Variants in NOTCH1 observed in about 807,000 individuals in gnomAD.
The protein encoded by NOTCH1 is notch receptor 1, also known as neurogenic locus notch homolog protein 1.
Under a neutral mutation model 254.8 loss-of-function variants are expected in NOTCH1, and 37 were observed. The observed-to-expected ratio is 0.15, with a 90% CI of 0.11 to 0.19. NOTCH1 has a LOEUF of 0.19. Ranked by LOEUF, NOTCH1 falls within the 10% of genes least tolerant of loss-of-function variation. The probability of loss-of-function intolerance (pLI) is 1.00; values close to 1 mark genes in which losing one functional copy is unlikely to be tolerated. For synonymous variants in NOTCH1, 1,731 were observed against 1,618.1 expected (o/e 1.07, Z -1.68); for missense variants, 2,972 against 3,708.6 (o/e 0.80, Z 5.16).
chr9:136,542,847 C>G (rs973905603), intron 2 of NOTCH1: 1 of 152,240 alleles, frequency 6.6e-6, no homozygotes, highest in East Asian at 1.9e-4. Flanking sequence ...TTCCAGACAC[C>G]AAACACCTCC....
At chr9:136,498,798 G>C in intron 33 of NOTCH1, 101 bp downstream of exon 33, 1 of 1,394,222 alleles carries the variant, frequency 7.2e-7, no homozygotes, top group African/African-American at 1.4e-5. Context: ...TCGAGACCCT[G>C]TGGGTCAGGC....
At position 136,513,255 on chromosome 9, in the gene NOTCH1, A is replaced by G; in HGVS notation, c.2354-121T>C. On this transcript the variant is annotated intron_variant, in intron 14 of 33. Transcript: ENST00000651671. This position sits in a 1 kb window ranked among gnomAD's most constrained non-coding sequence, Gnocchi z 4.7. ...GCCCCTCCTCATCTCCAAGAGCCAG[A>G]GGCCTGGAGCTAAGGCTTTGCCACG... 1 of 1,474,994 alleles carries G rather than the reference A, an allele frequency of 6.8e-7. No homozygotes were observed. The highest frequency in any genetic ancestry group is 1.4e-5 in the African/African-American group (1 of 72,024). The allele number at this position is 1,474,994 out of a possible 1,614,324, so 91.4% of individuals were successfully genotyped here. A position where few individuals can be genotyped will look rare whatever the true frequency, so the allele number is the denominator to read the frequency against.
chr9:136,514,631 C>T lies in NOTCH1; in HGVS notation c.2086G>A (p.Gly696Ser), dbSNP rs373556820. The part of the protein sequence containing the change: ...PCHNGGTCED[G>S]INGFTCRCPE... ...CAGCGGCAGGTGAAGCCATTGATGC[C>T]GTCCTCGCAGGTGCCCCCGTTGTGG... Residue 696 changes from glycine (G) to serine (S), a missense_variant, in exon 13 of 34, where the codon GGC (glycine) becomes AGC (serine). Physicochemically the swap from Gly to Ser is moderately conservative, Grantham distance 56. Around this residue, in one of 8 missense-constraint regions of NOTCH1, gnomAD observed 1,343 missense variants for 1,557.0 expected, o/e 0.86. Transcript: ENST00000651671. 2.8e-5 allele frequency: 45 copies of T among 1,611,732 alleles called. No individual in the cohort carries two copies. Among genetic ancestry groups the T allele is most frequent in the East Asian group, 1.8e-4 (8 of 44,826 alleles).
rs1428620733 is a variant in NOTCH1 at position 136,515,732 on chromosome 9, G to A, written c.1670-16C>T. The A allele has an allele frequency of 2.0e-6, 3 of 1,530,704 alleles. No individual in the cohort carries two copies. The highest frequency in any genetic ancestry group is 2.6e-6 in the Non-Finnish European group (3 of 1,143,702). 94.8% of individuals were successfully genotyped at this position (1,530,704 alleles called of 1,614,324 possible). A position where few individuals can be genotyped will look rare whatever the true frequency, so the allele number is the denominator to read the frequency against. On this transcript the variant is annotated splice_polypyrimidine_tract_variant and intron_variant, in intron 10 of 33. Coordinates refer to ENST00000651671, the MANE Select transcript of NOTCH1 (RefSeq NM_017617.5). ...CCCGTGTACCCTGGACCGTGGGAGG[G>A]GCGGGCACAGGAAGACTTAGGACTG...
intron 2 of NOTCH1, among the ~76,000 whole-genome samples, chr9:136,530,344 C>A (rs980824313): frequency 6.6e-6 from 1 of 152,220 alleles, no homozygotes; most frequent in East Asian, 1.9e-4. Context: ...CCGGGGAAAC[C>A]CTTTGTGTGG....
chr9:136,515,770 A>C (rs1046490119), intron 10 of NOTCH1, 54 bp from the exon 11 acceptor site: 155 of 1,482,390 alleles, frequency 1.0e-4, no homozygotes, highest in Middle Eastern at 2.3e-4. Flanking sequence ...GGCCCCCGGG[A>C]CACCCATGAC....
chr9:136,519,151 G>A (rs889043343), intron 5 of NOTCH1, among the ~76,000 whole-genome samples: 2 of 152,240 alleles, frequency 1.3e-5, no homozygotes, highest in Non-Finnish European at 2.9e-5. Flanking sequence ...GGGTGCTGAA[G>A]GCCCTCAATG....
chr9:136,502,140 C>T (rs758970366), intron 28 of NOTCH1, 52 bp from the exon 29 acceptor site: 3 of 1,607,382 alleles, frequency 1.9e-6, no homozygotes, highest in East Asian at 4.5e-5. Context: ...CTAGGAAGCC[C>T]CCAGAGACCC....
At position 136,510,809 on chromosome 9, in the gene NOTCH1, CG is replaced by C; in HGVS notation, c.2588-5del. On this transcript the variant is annotated splice_polypyrimidine_tract_variant and splice_region_variant and intron_variant, in intron 16 of 33. Coordinates refer to ENST00000651671, the MANE Select transcript of NOTCH1 (RefSeq NM_017617.5). ...ATGTCGACCTCACAGGTCTGCCCTG[CG>C]GGGCAGGAGGAGGCCGGTTGGTCAC... The C allele has an allele frequency of 6.2e-7, 1 of 1,607,806 alleles. No homozygotes were observed.
chr9:136,505,593 C>T lies in NOTCH1; in HGVS notation c.4303G>A (p.Gly1435Arg). The T allele has an allele frequency of 6.2e-7, 1 of 1,610,868 alleles. No individual in the cohort carries two copies. Among genetic ancestry groups the T allele is most frequent in the Non-Finnish European group, 8.5e-7 (1 of 1,178,992 alleles). ...GGCGGGGGGATGTCGCGCCCGGCCCCACCCCCGAAGCTGTAGTCCAGGATG... is the reference window on the plus strand; with the variant it reads ...GGCGGGGGGATGTCGCGCCCGGCCCTACCCCCGAAGCTGTAGTCCAGGATG... Reference protein sequence around the residue: ...CHILDYSFGGGAGRDIPPPLI... With the variant: ...CHILDYSFGGRAGRDIPPPLI... Residue 1435 changes from glycine to arginine, a missense_variant, in exon 25 of 34, where the codon GGG (glycine) becomes AGG (arginine). Physicochemically the swap from Gly to Arg is moderately radical, Grantham distance 125. Coordinates refer to ENST00000651671, the MANE Select transcript of NOTCH1 (RefSeq NM_017617.5).
intron 25 of NOTCH1, 52 bp from the exon 26 acceptor site, chr9:136,505,156 CGCCGTCCGGTGCCTCCAGCCCACTG>C: frequency 1.3e-6 from 2 of 1,568,738 alleles, no homozygotes; most frequent in Non-Finnish European, 1.7e-6. Context: ...GCCTCGCACC[CGCCGTCCGGTGCCTCCAGCCCACTG>C]GCCAGCCGCG....
chr9:136,519,050 C>T (rs111558011), intron 5 of NOTCH1, among the ~76,000 whole-genome samples: 3 of 152,206 alleles, frequency 2.0e-5, no homozygotes, highest in East Asian at 1.9e-4. Flanking sequence ...CACCTTTGCC[C>T]GTCACCCCAC....
chr9:136,518,116 A>AC (rs1206129360), intron 7 of NOTCH1, 21 bp downstream of exon 7: 1 of 1,572,758 alleles, frequency 6.4e-7, no homozygotes, highest in Non-Finnish European at 8.6e-7. Context: ...ACCTGGCCGC[A>AC]CCCCCTGTGC....
rs529769562 is a variant in NOTCH1, at chr9:136,503,137, AC to A, written c.5167+44del. 3.6e-3 allele frequency: 5,730 copies of A among 1,609,790 alleles called. 16 individuals are homozygous for A. Among genetic ancestry groups the A allele is most frequent in the Non-Finnish European group, 4.3e-3 (5,074 of 1,178,008 alleles). On this transcript the variant is annotated intron_variant, in intron 27 of 33. Transcript: ENST00000651671. Reference sequence around the variant, plus strand: ...CGTGTCTGGGGCACGGGGGGATGGCACCCCCTGCAGGCAGAGCCTGTTCCCG... The same window carrying A: ...CGTGTCTGGGGCACGGGGGGATGGCACCCCTGCAGGCAGAGCCTGTTCCCG...
intron 15 of NOTCH1, among the ~76,000 whole-genome samples, chr9:136,512,177 C>T (rs369235940): frequency 1.5e-4 from 23 of 152,222 alleles, no homozygotes; most frequent in Admixed American, 9.2e-4. Flanking sequence ...GGGACAGGGG[C>T]GCCCAGCCGT....
At chr9:136,511,519 C>T (rs1843181697) in intron 15 of NOTCH1, among the ~76,000 whole-genome samples, 1 of 152,220 alleles carries the variant, frequency 6.6e-6, no homozygotes, top group South Asian at 2.1e-4. Flanking sequence ...ACCCCTCATT[C>T]CCGGTTGGCA....
chr9:136,519,686 C>A, intron 4 of NOTCH1, 121 bp from the exon 5 acceptor site: 1 of 1,475,682 alleles, frequency 6.8e-7, no homozygotes, highest in Non-Finnish European at 9.4e-7. Flanking sequence ...CTGGGGCCCC[C>A]GGGGTCTGTG....
rs779794980 is a variant in NOTCH1 at position 136,515,389 on chromosome 9, C to T, written c.1915G>A (p.Glu639Lys). The change falls in exon 12 of 34, where the codon GAG (glutamate) becomes AAG (lysine). Residue 639 changes from glutamate (E) to lysine (K), a missense_variant. Glu to Lys is a moderately conservative substitution (Grantham distance 56). This residue lies in a region of NOTCH1 where 1,343 missense variants were observed against 1,557.0 expected (regional missense o/e 0.86). Coordinates refer to ENST00000651671, the MANE Select transcript of NOTCH1 (RefSeq NM_017617.5). ...CTGGCACAGTCATCCAGGTTGATCT[C>T]GCAGTTGGGTCCTGAAGGGGTGGCA... ...CLKGTTGPNCEINLDDCASSP... is the reference protein window; with the variant it reads ...CLKGTTGPNCKINLDDCASSP... 6.2e-7 allele frequency: 1 copy of T among 1,612,924 alleles called. No individual in the cohort carries two copies. The highest frequency in any genetic ancestry group is 8.5e-7 in the Non-Finnish European group (1 of 1,179,972).
intron 5 of NOTCH1, 43 bp downstream of exon 5, chr9:136,519,400 C>T (rs562492414): frequency 1.2e-6 from 2 of 1,609,948 alleles, no homozygotes; most frequent in Non-Finnish European, 1.7e-6. Flanking sequence ...TGGGTAGCAG[C>T]CCCGCCCCGG....
Sources: gnomAD v4.1 joint callset for allele counts (sites outside exome capture counted in the v4.1 genomes callset) on GRCh38, gnomAD v4.1.1 for gene constraint, gnomAD v4.1.1 regional missense constraint, Gnocchi (gnomAD v3.1) non-coding constraint, MANE v1.5 for transcripts, NCBI Gene and HGNC (gene_info 2026-07-23, HGNC 2026-07-21) for gene names.